UGT2B7: variants seen among roughly 807,000 people sequenced by gnomAD.
UGT2B7 encodes the protein UDP glucuronosyltransferase family 2 member B7.
UGT2B7 carries 51 observed loss-of-function variants against 51.9 expected under a neutral mutation model. The observed-to-expected ratio is 0.98, with a 90% confidence interval of 0.78 to 1.24. The LOEUF is 1.24. UGT2B7 is among the 50% of genes most tolerant of loss of function. UGT2B7 has a pLI of 0.00. For missense variants in UGT2B7, 727 were observed against 628.4 expected (o/e 1.16, Z -1.68); for synonymous variants, 225 against 211.6 (o/e 1.06, Z -0.55).
rs769843839 is a variant in UGT2B7 at position 69,098,524 on chromosome 4, T to TC, written c.722-16_722-15insC. The TC allele has an allele frequency of 4.4e-6, 7 of 1,585,472 alleles. No homozygotes were observed. The African/African-American group carries it at 8.3e-5, about 19-fold the overall frequency. On this transcript the variant is annotated splice_polypyrimidine_tract_variant and intron_variant, in intron 1 of 5. Coordinates refer to ENST00000305231, the MANE Select transcript of UGT2B7 (RefSeq NM_001074.4). ...TATCTTGTGTCATCCACCTTTTTTT[T>TC]TTCTATTCCTGTCAGGAAGACCCAC...
Position 69,068,638 on chromosome 4 carries a change from T to G in UGT2B7, c.-159+17036T>G, listed in dbSNP as rs139170425. On this transcript the variant is annotated intron_variant, in intron 1 of 5. Transcript: ENST00000502942. The stretch of plus-strand genomic sequence containing the variant: ...TGTATGACACACATTGTCTTGGTTA[T>G]TTGTGTTATGTAACCCAATTGTATG... Among the ~76,000 whole-genome samples, 795 of 152,068 alleles carry G rather than the reference T, an allele frequency of 5.2e-3. 11 individuals carry two copies. The highest frequency in any genetic ancestry group is 0.018 in the African/African-American group (765 of 41,528).
At position 69,098,538 on chromosome 4, in the gene UGT2B7, A is replaced by T; in HGVS notation, c.722-2A>T. The stretch of plus-strand genomic sequence containing the variant: ...CACCTTTTTTTTTTCTATTCCTGTC[A>T]GGAAGACCCACTACATTATCTGAGA... On this transcript the variant is annotated splice_acceptor_variant, in intron 1 of 5. Coordinates refer to ENST00000305231, the MANE Select transcript of UGT2B7 (RefSeq NM_001074.4). LOFTEE classifies it high-confidence loss of function. The T allele has an allele frequency of 6.3e-7, 1 of 1,587,908 alleles. No homozygotes were observed. The highest frequency in any genetic ancestry group is 8.5e-7 in the Non-Finnish European group (1 of 1,173,236).
At chr4:69,085,352 T>C (rs1398399043) in intron 1 of UGT2B7, among the ~76,000 whole-genome samples, 1 of 152,196 alleles carries the variant, frequency 6.6e-6, no homozygotes, top group Non-Finnish European at 1.5e-5. Context: ...GTTTTGTAGA[T>C]TCTGGATATT....
chr4:69,074,616 C>T (rs576130382), intron 1 of UGT2B7, among the ~76,000 whole-genome samples: 1 of 151,862 alleles, frequency 6.6e-6, no homozygotes, highest in South Asian at 2.1e-4. Flanking sequence ...AAGAGAATCC[C>T]TTCACAATAT....
chr4:69,072,700 G>T (rs1302811844), intron 1 of UGT2B7, among the ~76,000 whole-genome samples: 1 of 151,934 alleles, frequency 6.6e-6, no homozygotes, highest in Non-Finnish European at 1.5e-5. Context: ...GTGTCTTCTG[G>T]CATCTACCAC....
At chr4:69,072,249 C>A (rs1479190746) in intron 1 of UGT2B7, among the ~76,000 whole-genome samples, 1 of 152,024 alleles carries the variant, frequency 6.6e-6, no homozygotes, top group Non-Finnish European at 1.5e-5. Context: ...AATATCTCAG[C>A]AGTTAACAAA....
At chr4:69,068,631 T>C (rs1039972383) in intron 1 of UGT2B7, among the ~76,000 whole-genome samples, 10 of 151,964 alleles carry the variant, frequency 6.6e-5, no homozygotes, top group African/African-American at 2.4e-4. Flanking sequence ...ACACATTGTC[T>C]TGGTTATTTG....
chr4:69,063,318 C>CAAAAAAAA (rs556109411), intron 1 of UGT2B7, among the ~76,000 whole-genome samples: 27 of 23,626 alleles, frequency 1.1e-3, no homozygotes, highest in Admixed American at 1.8e-3. Flanking sequence ...GACTCCGTCT[C>CAAAAAAAA]AAAAAAAAAA....
At chr4:69,092,562 C>A (rs561822349), upstream of UGT2B7, among the ~76,000 whole-genome samples, 1 of 150,000 alleles carries the variant, frequency 6.7e-6, no homozygotes, top group South Asian at 2.1e-4. Flanking sequence ...GACAGAGTGA[C>A]CTTTCTGGAA....
At chr4:69,070,220 A>G (rs1343915044) in intron 1 of UGT2B7, among the ~76,000 whole-genome samples, 2 of 147,712 alleles carry the variant, frequency 1.4e-5, no homozygotes, top group African/African-American at 2.4e-5. Context: ...CTTCTTTTAT[A>G]TATATATTTA....
chr4:69,064,084 GAA>G (rs879516513), intron 1 of UGT2B7, among the ~76,000 whole-genome samples: 2,183 of 106,322 alleles, frequency 0.021, 81 homozygotes, highest in East Asian at 0.06. Flanking sequence ...AAGAAAGAAA[GAA>G]AGAAAGAAAG....
chr4:69,105,267 A>C (rs1445824035), intron 3 of UGT2B7, among the ~76,000 whole-genome samples: 7 of 98,394 alleles, frequency 7.1e-5, no homozygotes, highest in African/African-American at 2.7e-4. Context: ...AAAATATAGT[A>C]GAAATATATT....
chr4:69,084,027 C>T (rs1718894080), intron 1 of UGT2B7, among the ~76,000 whole-genome samples: 1 of 151,870 alleles, frequency 6.6e-6, no homozygotes, highest in African/African-American at 2.4e-5. Flanking sequence ...TCATATATGG[C>T]CTTTATAAGT....
At chr4:69,073,666 T>G (rs1249981193) in intron 1 of UGT2B7, among the ~76,000 whole-genome samples, 2 of 152,116 alleles carry the variant, frequency 1.3e-5, no homozygotes, top group Non-Finnish European at 2.9e-5. Context: ...GACAAACACA[T>G]TGAATAGGTC....
chr4:69,058,915 G>A (rs1341061486), intron 1 of UGT2B7, among the ~76,000 whole-genome samples: 1 of 152,176 alleles, frequency 6.6e-6, no homozygotes, highest in Non-Finnish European at 1.5e-5. Flanking sequence ...TTGAGAGCAG[G>A]CCCAGGTTGG....
At chr4:69,056,819 A>C (rs1718214466) in intron 1 of UGT2B7, among the ~76,000 whole-genome samples, 1 of 152,144 alleles carries the variant, frequency 6.6e-6, no homozygotes, top group Admixed American at 6.5e-5. Flanking sequence ...AAGAGTGAGA[A>C]CTCCCGCTAA....
At chr4:69,106,092 ATTAAT>A (rs1246195258) in intron 3 of UGT2B7, among the ~76,000 whole-genome samples, 2 of 152,152 alleles carry the variant, frequency 1.3e-5, no homozygotes, top group African/African-American at 2.4e-5. Context: ...AAAAAATTAA[ATTAAT>A]TTAACTTTTA....
chr4:69,095,955 G>A (rs1719210744), upstream of UGT2B7, among the ~76,000 whole-genome samples: 1 of 152,150 alleles, frequency 6.6e-6, no homozygotes, highest in Admixed American at 6.6e-5. Flanking sequence ...GCAGAAACTA[G>A]GGGTGGAGAG....
upstream of UGT2B7, among the ~76,000 whole-genome samples, chr4:69,093,830 A>G (rs1719144093): frequency 6.6e-6 from 1 of 152,084 alleles, no homozygotes; most frequent in South Asian, 2.1e-4. Flanking sequence ...ACTTTTCTTC[A>G]TTCTCTGTGG....
Sources: gnomAD v4.1 joint callset for allele counts (sites outside exome capture counted in the v4.1 genomes callset) on GRCh38, gnomAD v4.1.1 for gene constraint, MANE v1.5 for transcripts, NCBI Gene and HGNC (gene_info 2026-07-23, HGNC 2026-07-21) for gene names.